The following USP8 variants were observed in gnomAD, a reference collection of about 807,000 sequenced individuals.
USP8 encodes ubiquitin specific peptidase 8.
Under a neutral mutation model 130.0 loss-of-function variants are expected in USP8, and 27 were observed. That is an observed-to-expected ratio of 0.21 (90% CI 0.15 to 0.29). The LOEUF is 0.29. USP8 is among the 10% of genes least tolerant of loss of function. USP8 has a pLI of 1.00. For missense variants in USP8, 1,029 were observed against 1,312.2 expected (o/e 0.78, Z 3.33); for synonymous variants, 392 against 444.1 (o/e 0.88, Z 1.48).
At chr15:50,497,298 T>G (rs1171331010) in intron 18 of USP8, 67 bp downstream of exon 18, 5 of 1,530,366 alleles carry the variant, frequency 3.3e-6, no homozygotes, top group Non-Finnish European at 4.4e-6. Flanking sequence ...TCTGTGTAAT[T>G]TATACTTGTT....
At chr15:50,497,728 T>C (rs2052472331) in intron 18 of USP8, 1 of 152,244 alleles carries the variant, frequency 6.6e-6, no homozygotes, top group Non-Finnish European at 1.5e-5. Flanking sequence ...ACAAGAGTTA[T>C]AAAACACGAA....
intron 6 of USP8, 49 bp from the exon 7 acceptor site, chr15:50,464,998 A>G: frequency 4.4e-6 from 7 of 1,599,712 alleles, no homozygotes; most frequent in Non-Finnish European, 6.0e-6. Context: ...TGATGTCAGC[A>G]CATCTTGTGC....
At chr15:50,477,883 T>G (rs1249903784) in intron 10 of USP8, among the ~76,000 whole-genome samples, 2 of 152,082 alleles carry the variant, frequency 1.3e-5, no homozygotes, top group African/African-American at 4.8e-5. Context: ...AAACGAAGTT[T>G]AATATATAAC....
chr15:50,475,936 C>T (rs941324865), intron 8 of USP8, among the ~76,000 whole-genome samples: 5 of 152,052 alleles, frequency 3.3e-5, no homozygotes, highest in African/African-American at 4.8e-5. Context: ...GTGATCATTT[C>T]TAAGATTAGC....
At chr15:50,451,712 C>G (rs2050634368) in intron 4 of USP8, among the ~76,000 whole-genome samples, 1 of 152,190 alleles carries the variant, frequency 6.6e-6, no homozygotes, top group East Asian at 1.9e-4. Flanking sequence ...TAGAGCAACC[C>G]TGTGTGAACA....
At chr15:50,467,895 A>T (rs967917334) in intron 7 of USP8, among the ~76,000 whole-genome samples, 3 of 150,900 alleles carry the variant, frequency 2.0e-5, no homozygotes, top group African/African-American at 7.3e-5. Flanking sequence ...ATTTTATTGT[A>T]TTTATTTTAA....
rs947669079 is a variant in USP8 at position 50,514,157 on chromosome 15, C to CA, written c.*15076dup. ...AATTTTGAATGAAAGGAGCCAGACA[C>CA]AAAAAAAGGATATACTGTACAATTC... On this transcript the variant is annotated 3_prime_UTR_variant, in exon 20 of 20. Transcript: ENST00000307179. The CA allele has an allele frequency of 3.9e-5, 6 of 151,956 alleles. No individual in the cohort carries two copies. Among genetic ancestry groups the CA allele is most frequent in the South Asian group, 2.1e-4 (1 of 4,824 alleles). 9.4% of individuals were successfully genotyped at this position (151,956 alleles called of 1,614,324 possible).
chr15:50,467,676 C>T (rs2051235947), intron 7 of USP8, among the ~76,000 whole-genome samples: 1 of 152,068 alleles, frequency 6.6e-6, no homozygotes, highest in Admixed American at 6.6e-5. Context: ...TCACCTCAGC[C>T]TCCTGGGTAG....
intron 3 of USP8, 127 bp downstream of exon 3, chr15:50,441,620 A>C: frequency 1.3e-6 from 1 of 752,298 alleles, no homozygotes; most frequent in Non-Finnish European, 2.0e-6. Flanking sequence ...TCTCATGTAG[A>C]TAGAAAAAGG....
At chr15:50,443,631 G>A (rs1374566987) in intron 3 of USP8, among the ~76,000 whole-genome samples, 1 of 151,624 alleles carries the variant, frequency 6.6e-6, no homozygotes, top group African/African-American at 2.4e-5. Context: ...CTACAGGTGT[G>A]CACCACCACG....
chr15:50,465,242 T>C (rs1249997488), intron 7 of USP8, 51 bp downstream of exon 7: 1 of 1,550,542 alleles, frequency 6.4e-7, no homozygotes, highest in South Asian at 1.2e-5. Flanking sequence ...TAGTAAACTG[T>C]GGACCTTAGT....
intron 9 of USP8, 73 bp downstream of exon 9, chr15:50,477,066 T>A: frequency 3.2e-6 from 5 of 1,562,766 alleles, no homozygotes; most frequent in Non-Finnish European, 4.3e-6. Flanking sequence ...CCGGTAACAT[T>A]CTTGGTTGTG....
At chr15:50,436,673 GTTTGTTT>G (rs2050102178) in intron 1 of USP8, among the ~76,000 whole-genome samples, 1 of 148,424 alleles carries the variant, frequency 6.7e-6, no homozygotes, top group South Asian at 2.1e-4. Context: ...AATTTTTTTT[GTTTGTTT>G]TTTGTTTTTT....
At chr15:50,465,943 C>T (rs192739086) in intron 7 of USP8, among the ~76,000 whole-genome samples, 43 of 152,270 alleles carry the variant, frequency 2.8e-4, no homozygotes, top group Admixed American at 2.7e-3. Flanking sequence ...AAATGAGAAA[C>T]ATTATATACA....
chr15:50,497,731 A>G (rs1566894573), intron 18 of USP8: 1 of 152,224 alleles, frequency 6.6e-6, no homozygotes, highest in Non-Finnish European at 1.5e-5. Flanking sequence ...AGAGTTATAA[A>G]ACACGAACCA....
Position 50,500,811 on chromosome 15 carries a change from G to A in USP8, c.*1723G>A, listed in dbSNP as rs774845969. ...AATTCTTGCAGAAAGCAGTGTAGTG[G>A]CCACCATCCAAATCACCAAAATGGT... On this transcript the variant is annotated 3_prime_UTR_variant, in exon 20 of 20. Coordinates refer to ENST00000307179, the MANE Select transcript of USP8 (RefSeq NM_005154.5). The A allele has an allele frequency of 1.3e-6, 2 of 1,588,204 alleles. No homozygotes were observed. The highest frequency in any genetic ancestry group is 3.6e-5 in the Admixed American group (2 of 55,832).
At chr15:50,444,121 AAGGTGAC>A (rs2050347448) in intron 3 of USP8, among the ~76,000 whole-genome samples, 1 of 82,410 alleles carries the variant, frequency 1.2e-5, no homozygotes, top group African/African-American at 4.8e-5. Context: ...TTTTTTTTTT[AAGGTGAC>A]AGTCTTGTTC....
chr15:50,474,193 A>T (rs999736398), intron 8 of USP8, among the ~76,000 whole-genome samples: 1 of 151,914 alleles, frequency 6.6e-6, no homozygotes, highest in Admixed American at 6.6e-5. Flanking sequence ...TGTAGAGATG[A>T]GATTTCACTA....
At chr15:50,457,829 C>T (rs1333650489) in intron 4 of USP8, among the ~76,000 whole-genome samples, 1 of 146,336 alleles carries the variant, frequency 6.8e-6, no homozygotes, top group African/African-American at 2.5e-5. Flanking sequence ...CCAGTGCACT[C>T]CAGCCTGGGT....
Sources: gnomAD v4.1 joint callset for allele counts (sites outside exome capture counted in the v4.1 genomes callset) on GRCh38, gnomAD v4.1.1 for gene constraint, MANE v1.5 for transcripts, NCBI Gene and HGNC (gene_info 2026-07-23, HGNC 2026-07-21) for gene names.